The following TXNRD1 variants were observed in gnomAD, a reference collection of about 807,000 sequenced individuals.
TXNRD1 encodes the protein thioredoxin reductase 1.
Under a neutral mutation model 80.3 loss-of-function variants are expected in TXNRD1, and 57 were observed. The observed-to-expected ratio is 0.71, with a 90% confidence interval of 0.57 to 0.89. The LOEUF (loss-of-function observed/expected upper bound fraction) is 0.89. TXNRD1 is among the 40% of genes least tolerant of loss of function. The probability of loss-of-function intolerance (pLI) is 0.00; values close to 1 mark genes in which losing one functional copy is unlikely to be tolerated. For synonymous variants in TXNRD1, 291 were observed against 285.2 expected (o/e 1.02, Z -0.20); for missense variants, 730 against 803.0 (o/e 0.91, Z 1.10).
intron 3 of TXNRD1, among the ~76,000 whole-genome samples, chr12:104,272,664 C>T (rs1436758322): frequency 2.0e-5 from 3 of 151,528 alleles, no homozygotes; most frequent in South Asian, 2.1e-4. Flanking sequence ...TGGTGGCGGG[C>T]GCCTGTAGTC....
At chr12:104,305,327 A>G (rs2034859032) in intron 4 of TXNRD1, 1 of 151,240 alleles carries the variant, frequency 6.6e-6, no homozygotes, top group African/African-American at 2.6e-5. Flanking sequence ...GTTCCTAACC[A>G]GGTTGGGCAA....
chr12:104,317,399 T>A (rs1565898930), intron 7 of TXNRD1, among the ~76,000 whole-genome samples: 1 of 148,934 alleles, frequency 6.7e-6, no homozygotes. Flanking sequence ...GTTGAACCAA[T>A]TTCTTAAGGT....
chr12:104,305,573 G>C (rs2034874323), intron 4 of TXNRD1, among the ~76,000 whole-genome samples: 1 of 152,198 alleles, frequency 6.6e-6, no homozygotes, highest in Non-Finnish European at 1.5e-5. Flanking sequence ...AGGCATTCTA[G>C]GCAAGAGAAT....
At chr12:104,298,912 T>C (rs2034521340) in intron 4 of TXNRD1, among the ~76,000 whole-genome samples, 1 of 152,108 alleles carries the variant, frequency 6.6e-6, no homozygotes, top group East Asian at 1.9e-4. Context: ...TCATTCACTG[T>C]AGTAATTATA....
chr12:104,316,026 G>A (rs1457067565), intron 7 of TXNRD1, 130 bp downstream of exon 7: 3 of 997,904 alleles, frequency 3.0e-6, no homozygotes, highest in Middle Eastern at 2.4e-4. Context: ...ATTTTTGATG[G>A]ATATAATCAC....
intron 1 of TXNRD1, among the ~76,000 whole-genome samples, chr12:104,222,723 C>T (rs182335033): frequency 1.6e-4 from 24 of 152,244 alleles, no homozygotes; most frequent in Middle Eastern, 3.4e-3. Context: ...TGGTGGCATG[C>T]GCATGTAATC....
At chr12:104,303,933 T>TGATGAAGA (rs2034758614) in intron 4 of TXNRD1, 4 of 1,585,184 alleles carry the variant, frequency 2.5e-6, no homozygotes, top group Non-Finnish European at 3.4e-6. Context: ...GAGGGAGCGC[T>TGATGAAGA]GATGAAGATG....
At chr12:104,327,145 CTTCAACTATGAAGA>C (rs1454689372) in intron 12 of TXNRD1, among the ~76,000 whole-genome samples, 2 of 152,182 alleles carry the variant, frequency 1.3e-5, no homozygotes, top group Admixed American at 1.3e-4. Flanking sequence ...TAGTTGAGCT[CTTCAACTATGAAGA>C]AATGAAACTT....
At chr12:104,319,660 G>T in intron 9 of TXNRD1, 75 bp downstream of exon 9, 1 of 1,100,664 alleles carries the variant, frequency 9.1e-7, no homozygotes, top group Middle Eastern at 2.0e-4. Context: ...CAAACCCACT[G>T]CGTCAATTTC....
chr12:104,254,644 A>AAAATAT lies in TXNRD1; in HGVS notation c.243+2967_243+2968insAATATA. On this transcript the variant is annotated intron_variant, in intron 2 of 16. Transcript: ENST00000525566. ...CTATGTCTATGGAAAAAAAAAAAAA[A>AAAATAT]ATATATATATATATATATATATCAG... Among the ~76,000 whole-genome samples the AAAATAT allele has an allele frequency of 4.5e-4, 42 of 93,638 alleles. 3 individuals are homozygous for AAAATAT. The highest frequency in any genetic ancestry group is 2.0e-3 in the African/African-American group (38 of 19,394). 61.4% of individuals were successfully genotyped at this position (93,638 alleles called of 152,430 possible). A position where few individuals can be genotyped will look rare whatever the true frequency, so the allele number is the denominator to read the frequency against.
At chr12:104,320,666 C>T (rs114364199) in intron 9 of TXNRD1, among the ~76,000 whole-genome samples, 1,570 of 150,188 alleles carry the variant, frequency 0.01, 34 homozygotes, top group African/African-American at 0.036. Flanking sequence ...TTTTCTGCAT[C>T]CTAGTCCACA....
intron 4 of TXNRD1, among the ~76,000 whole-genome samples, chr12:104,290,578 C>T (rs545746357): frequency 6.6e-6 from 1 of 150,862 alleles, no homozygotes; most frequent in East Asian, 1.9e-4. Flanking sequence ...CCTCTGGTCC[C>T]AGCTACTCTG....
chr12:104,250,505 G>C (rs559135392), intron 1 of TXNRD1, among the ~76,000 whole-genome samples: 1 of 152,036 alleles, frequency 6.6e-6, no homozygotes, highest in Non-Finnish European at 1.5e-5. Flanking sequence ...TTGAATTTTA[G>C]CTCCATTACT....
intron 1 of TXNRD1, among the ~76,000 whole-genome samples, chr12:104,223,905 T>C (rs1345881978): frequency 6.6e-6 from 1 of 152,164 alleles, no homozygotes. Flanking sequence ...TTAGTTACTC[T>C]GGCCCTGGGT....
chr12:104,275,608 C>T (rs2033741915), intron 3 of TXNRD1, among the ~76,000 whole-genome samples: 1 of 152,076 alleles, frequency 6.6e-6, no homozygotes, highest in Non-Finnish European at 1.5e-5. Context: ...GTCTCGAACT[C>T]CTGACCTCAG....
At chr12:104,335,594 G>T (rs2135875182) in intron 15 of TXNRD1, among the ~76,000 whole-genome samples, 1 of 152,110 alleles carries the variant, frequency 6.6e-6, no homozygotes, top group East Asian at 1.9e-4. Context: ...ATGAGGGATT[G>T]GATAATTCAT....
chr12:104,268,530 AAAAG>A (rs1252600790), intron 3 of TXNRD1, among the ~76,000 whole-genome samples: 4 of 151,932 alleles, frequency 2.6e-5, no homozygotes, highest in Non-Finnish European at 5.9e-5. Flanking sequence ...GTCTCAAAAA[AAAAG>A]AAAGAAAGAG....
chr12:104,326,332 T>G lies in TXNRD1; in HGVS notation c.1309-15T>G. ...CTTTTTGTTATTAGTCACTAATATATTAATAATTTTTCAGGTGATGCTGGC... is the reference window on the plus strand; with the variant it reads ...CTTTTTGTTATTAGTCACTAATATAGTAATAATTTTTCAGGTGATGCTGGC... On this transcript the variant is annotated splice_polypyrimidine_tract_variant and intron_variant, in intron 11 of 16. Transcript: ENST00000525566. The G allele has an allele frequency of 6.4e-7, 1 of 1,551,634 alleles. No homozygotes were observed. The highest frequency in any genetic ancestry group is 1.2e-5 in the South Asian group (1 of 80,734).
intron 3 of TXNRD1, among the ~76,000 whole-genome samples, chr12:104,258,652 T>G (rs2135711376): frequency 6.6e-6 from 1 of 152,250 alleles, no homozygotes; most frequent in Non-Finnish European, 1.5e-5. Flanking sequence ...TCTAGGCCTG[T>G]TGGTGACTCA....
Sources: gnomAD v4.1 joint callset for allele counts (sites outside exome capture counted in the v4.1 genomes callset) on GRCh38, gnomAD v4.1.1 for gene constraint, MANE v1.5 for transcripts, NCBI Gene and HGNC (gene_info 2026-07-23, HGNC 2026-07-21) for gene names.